The following STAT5A variants were observed in gnomAD, a reference collection of about 807,000 sequenced individuals.
STAT5A encodes the protein signal transducer and activator of transcription 5A.
A neutral mutation model predicts 100.2 loss-of-function variants in STAT5A; 26 were observed. The observed-to-expected ratio is 0.26, with a 90% CI of 0.19 to 0.36. The LOEUF (loss-of-function observed/expected upper bound fraction) is 0.36. STAT5A is among the 10% of genes least tolerant of loss of function. The pLI is 1.00. For synonymous variants in STAT5A, 330 were observed against 424.3 expected (o/e 0.78, Z 2.73); for missense variants, 634 against 1,027.5 (o/e 0.62, Z 5.24).
In STAT5A at chr17:42,293,557, T is replaced by C. The variant is rs1422922158; in HGVS notation, c.375+1496T>C. On this transcript the variant is annotated intron_variant, in intron 4 of 18. Coordinates refer to ENST00000590949, the MANE Select transcript of STAT5A (RefSeq NM_001288718.2). ...GATTTCAGGATTTACTCAGTAGACA[T>C]TTATTGAGGTCTTACTGTGTGTCCG... 3.1e-4 allele frequency among the ~76,000 whole-genome samples: 47 copies of C among 152,180 alleles called. 1 individual carries two copies. The highest frequency in any genetic ancestry group is 7.3e-5 in the Non-Finnish European group (5 of 68,028).
intron 18 of STAT5A, chr17:42,309,775 G>A (rs1022671755): frequency 9.1e-6 from 3 of 329,986 alleles, no homozygotes; most frequent in East Asian, 5.8e-5. Context: ...AATGGGATGA[G>A]CATTAAACTG....
chr17:42,291,844 G>T (rs1358387795), intron 3 of STAT5A, 128 bp from the exon 4 acceptor site: 9 of 854,426 alleles, frequency 1.1e-5, no homozygotes, highest in Non-Finnish European at 1.7e-5. Context: ...GGTGTCTGGG[G>T]ATAGTTCCTG....
intron 18 of STAT5A, among the ~76,000 whole-genome samples, chr17:42,310,061 CG>C (rs2081065641): frequency 6.6e-6 from 1 of 152,206 alleles, no homozygotes; most frequent in Admixed American, 6.5e-5. Context: ...GTCTATAAAA[CG>C]GGGTCAATAC....
intron 2 of STAT5A, 120 bp from the exon 3 acceptor site, chr17:42,289,746 T>A: frequency 7.1e-7 from 1 of 1,407,736 alleles, no homozygotes; most frequent in Non-Finnish European, 9.4e-7. Context: ...TGGGAACAAG[T>A]CTTGTGGGCC....
chr17:42,306,175 T>TTG (rs2081026976), intron 12 of STAT5A, 66 bp from the exon 13 acceptor site: 6 of 1,611,212 alleles, frequency 3.7e-6, no homozygotes, highest in South Asian at 2.2e-5. Flanking sequence ...TCTGTGTATC[T>TTG]TGTGTGTGTG....
chr17:42,307,476 C>G lies in STAT5A; in HGVS notation c.1755C>G (p.His585Gln). Residue 585 changes from histidine (H) to glutamine (Q), a missense_variant, in exon 14 of 19, where the codon CAC becomes CAG. Transcript: ENST00000590949. ...DGVMEVLKKH[H>Q]KPHWNDGAIL... The stretch of plus-strand genomic sequence containing the variant: ...TGATGGAGGTGTTGAAGAAGCACCA[C>G]AAGCCCCACTGGAATGATGGGTAAG... The G allele has an allele frequency of 2.5e-6, 4 of 1,614,110 alleles. No homozygotes were observed. Among genetic ancestry groups the G allele is most frequent in the Non-Finnish European group, 1.7e-6 (2 of 1,180,022 alleles).
intron 12 of STAT5A, chr17:42,306,037 T>C: frequency 1.2e-6 from 1 of 844,536 alleles, no homozygotes; most frequent in Non-Finnish European, 1.8e-6. Context: ...CCCCACCCCC[T>C]GCATCGGTTT....
At position 42,304,481 on chromosome 17, in the gene STAT5A, T is replaced by G. The variant is rs28395856; in HGVS notation, c.1258-49T>G. Reference sequence around the variant, plus strand: ...GCAGGTCTGCCCAGAGCTGAGTCCTTGTAAGCAGCCGCCATCTCCCTGTTC... The same window carrying G: ...GCAGGTCTGCCCAGAGCTGAGTCCTGGTAAGCAGCCGCCATCTCCCTGTTC... On this transcript the variant is annotated intron_variant, in intron 10 of 18. Coordinates refer to ENST00000590949, the MANE Select transcript of STAT5A (RefSeq NM_001288718.2). This position sits in a 1 kb window ranked among gnomAD's most constrained non-coding sequence, Gnocchi z 4.8. 3.5e-3 allele frequency: 5,689 copies of G among 1,614,122 alleles called. 184 individuals carry two copies. The African/African-American group carries it at 0.068, about 19-fold the overall frequency.
In STAT5A at chr17:42,309,069, G is replaced by A; in HGVS notation, c.2085G>A (p.Val695=). 1 of 1,614,200 alleles carries A rather than the reference G, an allele frequency of 6.2e-7. No homozygotes were observed. The highest frequency in any genetic ancestry group is 8.5e-7 in the Non-Finnish European group (1 of 1,180,018). ...PVLAKAVDGY[V]KPQIKQVVPE... is the part of the protein sequence containing the mutation. Reference sequence around the variant, plus strand: ...CAGCTAAAGCTGTTGATGGATATGTGAAACCACAGATCAAGCAAGTGGTCC... The same window carrying A: ...CAGCTAAAGCTGTTGATGGATATGTAAAACCACAGATCAAGCAAGTGGTCC... The change falls in exon 17 of 19, where the codon GTG becomes GTA. Residue 695 remains valine (V), a synonymous_variant. Coordinates refer to ENST00000590949, the MANE Select transcript of STAT5A (RefSeq NM_001288718.2).
rs1479482140 is a variant in STAT5A, at chr17:42,301,402, A to G, written c.1117A>G (p.Ile373Val). Reference sequence around the variant, plus strand: ...GAATCCCCCCCAGGTGAAGGCCACCATCATCAGTGAGCAGCAGGCCAAGTC... The same window carrying G: ...GAATCCCCCCCAGGTGAAGGCCACCGTCATCAGTGAGCAGCAGGCCAAGTC... Reference protein sequence around the residue: ...HMNPPQVKATIISEQQAKSLL... With the variant: ...HMNPPQVKATVISEQQAKSLL... Residue 373 changes from isoleucine to valine, a missense_variant, in exon 9 of 19, where the codon ATC becomes GTC. Around this residue, in one of 5 missense-constraint regions of STAT5A, gnomAD observed 98 missense variants for 149.7 expected, o/e 0.65. Transcript: ENST00000590949. The G allele has an allele frequency of 6.2e-7, 1 of 1,614,194 alleles. No homozygotes were observed. The highest frequency in any genetic ancestry group is 8.5e-7 in the Non-Finnish European group (1 of 1,180,016).
Position 42,308,354 on chromosome 17 carries a change from C to T in STAT5A, c.2062+21C>T. 11 of 1,613,980 alleles carry T rather than the reference C, an allele frequency of 6.8e-6. No homozygotes were observed. The highest frequency in any genetic ancestry group is 8.5e-6 in the Non-Finnish European group (10 of 1,179,972). On this transcript the variant is annotated intron_variant, in intron 16 of 18. Coordinates refer to ENST00000590949, the MANE Select transcript of STAT5A (RefSeq NM_001288718.2). This position sits in a 1 kb window ranked among gnomAD's most constrained non-coding sequence, Gnocchi z 4.6. The stretch of plus-strand genomic sequence containing the variant: ...GCTGGGTGGGTACTGCCCCAGGACC[C>T]TGCCGGCTGACTCCCCCGGGCTCTT...
chr17:42,290,190 G>C (rs754538241), intron 3 of STAT5A, 168 bp downstream of exon 3: 107 of 1,050,666 alleles, frequency 1.0e-4, no homozygotes, highest in Non-Finnish European at 1.3e-4. Context: ...TCGACCTGTC[G>C]GATTTCTTTA....
chr17:42,310,696 G>A lies in STAT5A; in HGVS notation c.*27G>A, dbSNP rs1567695763. The A allele has an allele frequency of 6.2e-7, 1 of 1,613,670 alleles. No homozygotes were observed. Among genetic ancestry groups the A allele is most frequent in the Non-Finnish European group, 8.5e-7 (1 of 1,179,744 alleles). On this transcript the variant is annotated 3_prime_UTR_variant, in exon 19 of 19. Transcript: ENST00000590949. The stretch of plus-strand genomic sequence containing the variant: ...TGTTTGAATCCCACGCTTCTCTTTG[G>A]AAACAATATGCAATGTGAAGCGGTC...
At chr17:42,295,533 G>GGGTTTGT in intron 4 of STAT5A, 86 bp from the exon 5 acceptor site, 1 of 1,439,412 alleles carries the variant, frequency 6.9e-7, no homozygotes, top group Non-Finnish European at 9.4e-7. Flanking sequence ...TTGGGGTTTG[G>GGGTTTGT]GGTCTGTAGT....
intron 4 of STAT5A, among the ~76,000 whole-genome samples, chr17:42,293,713 T>C (rs778861665): frequency 1.2e-4 from 19 of 152,140 alleles, no homozygotes; most frequent in Non-Finnish European, 2.5e-4. Context: ...CCAACTCAGA[T>C]TGGGGCAGGC....
At chr17:42,291,942 G>A in intron 3 of STAT5A, 30 bp from the exon 4 acceptor site, 1 of 1,610,794 alleles carries the variant, frequency 6.2e-7, no homozygotes, top group Middle Eastern at 1.7e-4. Context: ...GCAGAGGATG[G>A]CGCTGGAGGC....
At chr17:42,300,554 A>G (rs2080966985) in intron 7 of STAT5A, among the ~76,000 whole-genome samples, 161 bp from the exon 8 acceptor site, 1 of 151,658 alleles carries the variant, frequency 6.6e-6, no homozygotes, top group East Asian at 1.9e-4. Context: ...CCTCCTGTGT[A>G]CGTCTCTAAT....
At position 42,304,306 on chromosome 17, in the gene STAT5A, G is replaced by A. The variant is rs766654804; in HGVS notation, c.1170-36G>A. 1.9e-6 allele frequency: 3 copies of A among 1,606,100 alleles called. No homozygotes were observed. The highest frequency in any genetic ancestry group is 3.3e-5 in the Admixed American group (2 of 59,960). On this transcript the variant is annotated intron_variant, in intron 9 of 18. Transcript: ENST00000590949. This position sits in a 1 kb window ranked among gnomAD's most constrained non-coding sequence, Gnocchi z 4.8. ...GACAGGACCATGCTCCTGGCCTGGG[G>A]CCCATGTGGAGCTGGGACCCCCCTC... is the stretch of plus-strand genomic sequence containing the variant.
Position 42,304,310 on chromosome 17 carries a change from A to G in STAT5A, c.1170-32A>G, listed in dbSNP as rs1409885646. Reference sequence around the variant, plus strand: ...GGACCATGCTCCTGGCCTGGGGCCCATGTGGAGCTGGGACCCCCCTCTCCT... The same window carrying G: ...GGACCATGCTCCTGGCCTGGGGCCCGTGTGGAGCTGGGACCCCCCTCTCCT... On this transcript the variant is annotated intron_variant, in intron 9 of 18. Transcript: ENST00000590949. This position sits in a 1 kb window ranked among gnomAD's most constrained non-coding sequence, Gnocchi z 4.8. The G allele has an allele frequency of 6.2e-7, 1 of 1,609,212 alleles. No homozygotes were observed. Among genetic ancestry groups the G allele is most frequent in the Admixed American group, 1.7e-5 (1 of 60,000 alleles).
Sources: allele counts gnomAD v4.1 joint callset (sites outside exome capture counted in the v4.1 genomes callset), GRCh38; gene constraint gnomAD v4.1.1; regional missense constraint gnomAD v4.1.1; non-coding constraint Gnocchi (gnomAD v3.1); transcripts MANE v1.5; gene names NCBI Gene and HGNC (gene_info 2026-07-23, HGNC 2026-07-21).